The following UPK3A variants were observed in gnomAD, a reference collection of about 807,000 sequenced individuals.
UPK3A encodes uroplakin 3A.
A neutral mutation model predicts 27.6 loss-of-function variants in UPK3A; 32 were observed. That is an observed-to-expected ratio of 1.16 (90% CI 0.87 to 1.55). The LOEUF (loss-of-function observed/expected upper bound fraction) is 1.55, where lower values mean the gene tolerates loss of function less well. Ranked by LOEUF, UPK3A falls within the 40% of genes most tolerant of loss-of-function variation. UPK3A has a pLI of 0.00. For missense variants in UPK3A, 370 were observed against 367.9 expected, an observed-to-expected ratio of 1.01 and a Z score of -0.05; for synonymous variants, 171 against 163.9, an observed-to-expected ratio of 1.04 and a Z score of -0.33.
At chr22:45,295,306 G>C (rs555327812) in intron 5 of UPK3A, among the ~76,000 whole-genome samples, 41 of 152,108 alleles carry the variant, frequency 2.7e-4, no homozygotes, top group African/African-American at 9.9e-4. Flanking sequence ...TGGGAACATG[G>C]GACAATGGCC....
At chr22:45,286,855 C>G (rs999295652) in intron 2 of UPK3A, among the ~76,000 whole-genome samples, 1 of 152,146 alleles carries the variant, frequency 6.6e-6, no homozygotes, top group South Asian at 2.1e-4. Flanking sequence ...GACCGATGAC[C>G]TTCCTTTCCC....
chr22:45,294,275 T>G (rs540037240), intron 5 of UPK3A, among the ~76,000 whole-genome samples: 1 of 151,752 alleles, frequency 6.6e-6, no homozygotes, highest in African/African-American at 2.4e-5. Flanking sequence ...AGTGGATCCA[T>G]GGAAAGCAGC....
chr22:45,285,255 T>C (rs1246128852), intron 1 of UPK3A, among the ~76,000 whole-genome samples, 190 bp downstream of exon 1: 1 of 152,200 alleles, frequency 6.6e-6, no homozygotes, highest in Non-Finnish European at 1.5e-5. Context: ...GCTGCAGCCC[T>C]GCGATGTGTG....
At chr22:45,290,555 G>A (rs1382192540) in intron 4 of UPK3A, among the ~76,000 whole-genome samples, 1 of 152,134 alleles carries the variant, frequency 6.6e-6, no homozygotes, top group Non-Finnish European at 1.5e-5. Flanking sequence ...TGAGTGGTGT[G>A]TGAGTGTGAG....
chr22:45,285,780 G>A (rs1169129991), intron 1 of UPK3A, among the ~76,000 whole-genome samples, 161 bp from the exon 2 acceptor site: 1 of 152,174 alleles, frequency 6.6e-6, no homozygotes, highest in Non-Finnish European at 1.5e-5. Flanking sequence ...TTCTGAGCAG[G>A]ATGACTGGGC....
intron 4 of UPK3A, among the ~76,000 whole-genome samples, chr22:45,289,943 C>T (rs114579445): frequency 2.0e-5 from 3 of 152,082 alleles, no homozygotes; most frequent in Non-Finnish European, 2.9e-5. Flanking sequence ...CAAAGGCACG[C>T]GGAGCTGACC....
rs961380383 is a variant in UPK3A, at chr22:45,285,983, C to A, written c.95C>A (p.Thr32Asn). Residue 32 changes from threonine (T) to asparagine (N), a missense_variant, in exon 2 of 6, where the codon ACC (threonine) becomes AAC (asparagine). Coordinates refer to ENST00000216211, the MANE Select transcript of UPK3A (RefSeq NM_006953.4). ...CAACTGGCCAGTGTGACTTTCGCCA[C>A]CAACAACCCCACACTTACCACTGTG... ...QPQLASVTFATNNPTLTTVAL... is the reference protein window; with the variant it reads ...QPQLASVTFANNNPTLTTVAL... 3.1e-6 allele frequency: 5 copies of A among 1,614,050 alleles called. No homozygotes were observed. The Admixed American group carries it at 6.7e-5, about 22-fold the overall frequency.
At chr22:45,292,271 C>G (rs549256337) in intron 4 of UPK3A, among the ~76,000 whole-genome samples, 1 of 152,304 alleles carries the variant, frequency 6.6e-6, no homozygotes, top group African/African-American at 2.4e-5. Flanking sequence ...TGGGGCCCAT[C>G]TGGGGGACAG....
At chr22:45,288,402 G>A (rs1055385389) in intron 3 of UPK3A, among the ~76,000 whole-genome samples, 8 of 152,172 alleles carry the variant, frequency 5.3e-5, no homozygotes, top group African/African-American at 1.4e-4. Flanking sequence ...GTTTCACTGT[G>A]TCAGCCAGAA....
chr22:45,295,707 G>A lies in UPK3A; in HGVS notation c.852G>A (p.Lys284=), dbSNP rs773815440. 2.5e-6 allele frequency: 4 copies of A among 1,613,902 alleles called. No individual in the cohort carries two copies. The highest frequency in any genetic ancestry group is 3.4e-6 in the Non-Finnish European group (4 of 1,180,000). The change falls in exon 6 of 6, where the codon AAG becomes AAA. Residue 284 remains lysine (K), a synonymous_variant. Transcript: ENST00000216211. ...ACAGGGCTGAGGTGTATTCCAGCAA[G>A]CTCCAAGACTGAGCCCAGCACCACC... The part of the protein sequence containing the change: ...PLDRAEVYSS[K]LQD
rs1363861118 is a variant in UPK3A at position 45,287,385 on chromosome 22, C to A, written c.422C>A (p.Thr141Asn). 6.2e-7 allele frequency: 1 copy of A among 1,612,874 alleles called. No individual in the cohort carries two copies. Among genetic ancestry groups the A allele is most frequent in the African/African-American group, 1.3e-5 (1 of 74,910 alleles). Reference sequence around the variant, plus strand: ...CTGGTCAGGGTGGGTGCCAACGGGACCTGCCTGTGGGATCCCAACTTCCAG... The same window carrying A: ...CTGGTCAGGGTGGGTGCCAACGGGAACTGCCTGTGGGATCCCAACTTCCAG... Reference protein sequence around the residue: ...AYLVRVGANGTCLWDPNFQGL... With the variant: ...AYLVRVGANGNCLWDPNFQGL... The change falls in exon 3 of 6, where the codon ACC becomes AAC. Residue 141 changes from threonine (T) to asparagine (N), a missense_variant. Thr to Asn is a moderately conservative substitution (Grantham distance 65, BLOSUM62 0). Transcript: ENST00000216211.
intron 4 of UPK3A, among the ~76,000 whole-genome samples, chr22:45,291,359 G>A (rs1282712256): frequency 6.7e-6 from 1 of 150,352 alleles, no homozygotes; most frequent in East Asian, 2.0e-4. Flanking sequence ...TCTGGTGTGT[G>A]TGAGAGTGGT....
Position 45,287,295 on chromosome 22 carries a change from G to C in UPK3A, c.332G>C (p.Ser111Thr), listed in dbSNP as rs765876533. 4.3e-6 allele frequency: 7 copies of C among 1,614,120 alleles called. No individual in the cohort carries two copies. In the Admixed American group the frequency reaches 6.7e-5, roughly 15 times the overall value. The change falls in exon 3 of 6, where the codon AGT becomes ACT. Residue 111 changes from serine (S) to threonine (T), a missense_variant. Transcript: ENST00000216211. ...KAVAFDLIPC[S>T]DLPSLDAIGD... is the part of the protein sequence containing the mutation. The stretch of plus-strand genomic sequence containing the variant: ...GTGGCCTTTGACCTGATCCCCTGCA[G>C]TGACCTGCCCAGCCTGGATGCCATT...
At chr22:45,295,309 C>T (rs897012403) in intron 5 of UPK3A, among the ~76,000 whole-genome samples, 4 of 152,076 alleles carry the variant, frequency 2.6e-5, no homozygotes, top group African/African-American at 9.7e-5. Context: ...GAACATGGGA[C>T]AATGGCCTCA....
intron 4 of UPK3A, 44 bp from the exon 5 acceptor site, chr22:45,293,137 G>A (rs751491500): frequency 9.3e-6 from 15 of 1,610,108 alleles, no homozygotes; most frequent in Admixed American, 1.7e-5. Flanking sequence ...AAGGGTGAGG[G>A]TGGTGCGGTG....
intron 4 of UPK3A, among the ~76,000 whole-genome samples, chr22:45,290,357 T>A (rs527287511): frequency 1.3e-5 from 2 of 152,254 alleles, no homozygotes; most frequent in African/African-American, 4.8e-5. Context: ...GTTGAGCCCA[T>A]GTGCACCCCC....
At chr22:45,288,642 T>C (rs996006890) in intron 3 of UPK3A, among the ~76,000 whole-genome samples, 21 of 152,236 alleles carry the variant, frequency 1.4e-4, no homozygotes, top group African/African-American at 4.8e-4. Context: ...TTCAGCCTTT[T>C]TCTTTTTCAG....
chr22:45,288,971 C>T, intron 3 of UPK3A, 90 bp from the exon 4 acceptor site: 3 of 1,320,946 alleles, frequency 2.3e-6, no homozygotes, highest in East Asian at 2.3e-5. Context: ...CCGTCTCCCA[C>T]CCCTAGGCCA....
rs534193782 is a variant in UPK3A at position 45,285,150 on chromosome 22, C to G, written c.52+85C>G. 3.5e-5 allele frequency: 45 copies of G among 1,301,586 alleles called. No homozygotes were observed. In the African/African-American group the frequency reaches 6.7e-4, roughly 19 times the overall value. The allele number at this position is 1,301,586 out of a possible 1,614,324, so 80.6% of individuals were successfully genotyped here. On this transcript the variant is annotated intron_variant, in intron 1 of 5. Transcript: ENST00000216211. Reference sequence around the variant, plus strand: ...GGCGCCCGCCGCCTGGACCCTGATTCCTGGCGCTGGGGACCCAGATATTAC... The same window carrying G: ...GGCGCCCGCCGCCTGGACCCTGATTGCTGGCGCTGGGGACCCAGATATTAC...
Sources: gnomAD v4.1 joint callset for allele counts (sites outside exome capture counted in the v4.1 genomes callset) on GRCh38, gnomAD v4.1.1 for gene constraint, MANE v1.5 for transcripts, NCBI Gene and HGNC (gene_info 2026-07-23, HGNC 2026-07-21) for gene names.